Variants in LINGO2 observed in about 807,000 individuals in gnomAD.
LINGO2 encodes the protein leucine rich repeat and Ig domain containing 2.
LINGO2 carries 14 observed loss-of-function variants against 30.6 expected under a neutral mutation model. The observed-to-expected ratio is 0.46, with a 90% CI of 0.30 to 0.72. The LOEUF (loss-of-function observed/expected upper bound fraction) is 0.72, where lower values mean the gene tolerates loss of function less well. LINGO2 is among the 30% of genes least tolerant of loss of function. LINGO2 has a pLI of 0.07. For synonymous variants in LINGO2, 317 were observed against 288.5 expected (o/e 1.10, Z -1.00); for missense variants, 729 against 751.7 (o/e 0.97, Z 0.35).
At chr9:29,014,581 A>G in the LINGO2 span, among the ~76,000 whole-genome samples, 14 of 152,342 alleles carry the variant, frequency 9.2e-5, no homozygotes, top group African/African-American at 3.4e-4. Context: ...CCAAGAAAGA[A>G]TAAGTGTTTT....
At chr9:28,377,070 C>T (rs542429320) in intron 2 of LINGO2, among the ~76,000 whole-genome samples, 6 of 150,968 alleles carry the variant, frequency 4.0e-5, no homozygotes, top group South Asian at 4.2e-4. Flanking sequence ...TACAAACACA[C>T]GTTGATTTAT....
chr9:29,177,252 C>CA, the LINGO2 span, among the ~76,000 whole-genome samples: 2 of 152,078 alleles, frequency 1.3e-5, no homozygotes, highest in African/African-American at 4.8e-5. Context: ...TTCTAGATTA[C>CA]AAAAAATTTT....
At chr9:28,608,117 A>C in intron 1 of LINGO2, among the ~76,000 whole-genome samples, 1 of 151,378 alleles carries the variant, frequency 6.6e-6, no homozygotes, top group East Asian at 1.9e-4. Context: ...CTGTTTTCAC[A>C]GATTACACTT....
intron 2 of LINGO2, among the ~76,000 whole-genome samples, chr9:28,471,250 CAT>C (rs745814168): frequency 3.8e-4 from 58 of 152,258 alleles, no homozygotes; most frequent in Non-Finnish European, 6.0e-4. Context: ...GGTCCAAGTG[CAT>C]ACTAGCAGTT....
intron 2 of LINGO2, among the ~76,000 whole-genome samples, chr9:28,409,899 T>A (rs77871767): frequency 0.016 from 2,158 of 131,840 alleles, 51 homozygotes; most frequent in East Asian, 0.058. Context: ...GCAGGGAGGG[T>A]GTGAGGGAGG....
intron 5 of LINGO2, among the ~76,000 whole-genome samples, chr9:27,967,477 C>T (rs865788761): frequency 5.3e-5 from 8 of 152,104 alleles, no homozygotes; most frequent in East Asian, 1.9e-4. Flanking sequence ...AGTTTAGCTA[C>T]GTGGCTATGA....
chr9:28,977,005 T>C, the LINGO2 span, among the ~76,000 whole-genome samples: 2 of 152,126 alleles, frequency 1.3e-5, no homozygotes, highest in African/African-American at 2.4e-5. Context: ...CAGTTAGCGT[T>C]TATAAATGTA....
chr9:29,183,704 C>T, the LINGO2 span, among the ~76,000 whole-genome samples: 1 of 152,022 alleles, frequency 6.6e-6, no homozygotes, highest in Admixed American at 6.6e-5. Context: ...ATCTCCTCTG[C>T]TGCTATTCAA....
chr9:28,166,216 C>A (rs1240473394), intron 4 of LINGO2, among the ~76,000 whole-genome samples: 2 of 152,150 alleles, frequency 1.3e-5, no homozygotes, highest in Admixed American at 1.3e-4. Context: ...AAACCCATAG[C>A]CTTTGTCTAC....
chr9:29,048,070 C>T, the LINGO2 span, among the ~76,000 whole-genome samples: 4 of 151,956 alleles, frequency 2.6e-5, no homozygotes, highest in Non-Finnish European at 1.5e-5. Flanking sequence ...GAGATCACGC[C>T]ACTGCACTCC....
intron 2 of LINGO2, among the ~76,000 whole-genome samples, chr9:28,418,558 T>C (rs1482617288): frequency 1.3e-5 from 2 of 152,118 alleles, no homozygotes; most frequent in Non-Finnish European, 2.9e-5. Flanking sequence ...ATTACGGGTG[T>C]GAGCCACCGT....
the LINGO2 span, among the ~76,000 whole-genome samples, chr9:28,903,525 G>A: frequency 6.6e-6 from 1 of 152,132 alleles, no homozygotes; most frequent in African/African-American, 2.4e-5. Flanking sequence ...ACGTAGGTTA[G>A]AGTGTGGTAG....
chr9:28,953,577 T>C, the LINGO2 span, among the ~76,000 whole-genome samples: 2 of 152,136 alleles, frequency 1.3e-5, no homozygotes. Context: ...TATATTTTTG[T>C]AAATTTCCTT....
At chr9:29,042,648 G>T in the LINGO2 span, among the ~76,000 whole-genome samples, 1 of 151,548 alleles carries the variant, frequency 6.6e-6, no homozygotes, top group Admixed American at 6.6e-5. Context: ...GTTTTAATTG[G>T]CAAAAGAAAA....
chr9:28,608,905 T>C (rs1270450887), intron 1 of LINGO2, among the ~76,000 whole-genome samples: 1 of 152,048 alleles, frequency 6.6e-6, no homozygotes, highest in Non-Finnish European at 1.5e-5. Flanking sequence ...TGTACATTCC[T>C]GTCTTTTAAA....
At chr9:29,201,691 T>A in the LINGO2 span, among the ~76,000 whole-genome samples, 1 of 152,038 alleles carries the variant, frequency 6.6e-6, no homozygotes, top group Non-Finnish European at 1.5e-5. Context: ...TGTAAATTAT[T>A]TCATTTAAGA....
intron 2 of LINGO2, among the ~76,000 whole-genome samples, chr9:28,404,164 A>G (rs1822393858): frequency 6.6e-6 from 1 of 152,138 alleles, no homozygotes. Context: ...ATACCCCTAT[A>G]TCTCAACTTA....
At chr9:28,738,150 T>C in the LINGO2 span, among the ~76,000 whole-genome samples, 4 of 152,144 alleles carry the variant, frequency 2.6e-5, no homozygotes, top group African/African-American at 9.7e-5. Context: ...AACACAAGCA[T>C]TAATTAATTC....
the LINGO2 span, among the ~76,000 whole-genome samples, chr9:28,875,340 T>C: frequency 6.6e-6 from 1 of 152,116 alleles, no homozygotes; most frequent in Admixed American, 6.6e-5. Flanking sequence ...CACAAAATTA[T>C]ACATATTTTA....
Sources: gnomAD v4.1 joint callset for allele counts (sites outside exome capture counted in the v4.1 genomes callset) on GRCh38, gnomAD v4.1.1 for gene constraint, MANE v1.5 for transcripts, NCBI Gene and HGNC (gene_info 2026-07-23, HGNC 2026-07-21) for gene names.